Variants in KAZN observed in about 807,000 individuals in gnomAD.
The protein encoded by KAZN is kazrin.
Under a neutral mutation model 87.4 loss-of-function variants are expected in KAZN, and 40 were observed. The observed-to-expected ratio is 0.46, with a 90% CI of 0.36 to 0.60. The LOEUF (loss-of-function observed/expected upper bound fraction) is 0.60, where lower values mean the gene tolerates loss of function less well. Among genes scored for constraint, KAZN ranks in the 20% least tolerant of loss-of-function variants. The pLI, the probability that KAZN is intolerant of heterozygous loss-of-function variation, is 0.00. For synonymous variants in KAZN, 466 were observed against 458.3 expected (o/e 1.02, Z -0.22); for missense variants, 898 against 1,073.9 (o/e 0.84, Z 2.29).
intron 1 of KAZN, among the ~76,000 whole-genome samples, chr1:14,057,148 T>G (rs80290231): frequency 0.053 from 8,041 of 151,928 alleles, 578 homozygotes; most frequent in African/African-American, 0.16. Flanking sequence ...TTGTTTTTTT[T>G]TTTTGAGACG....
At chr1:14,657,561 G>A (rs12092213) in intron 1 of KAZN, among the ~76,000 whole-genome samples, 6,707 of 152,252 alleles carry the variant, frequency 0.044, 223 homozygotes, top group African/African-American at 0.077. Flanking sequence ...GTGAGTTGCC[G>A]CCTTTGCCGC....
chr1:14,481,468 A>T (rs992089273), intron 2 of KAZN, among the ~76,000 whole-genome samples: 2 of 152,172 alleles, frequency 1.3e-5, no homozygotes, highest in Non-Finnish European at 2.9e-5. Flanking sequence ...ATTAAGTAAG[A>T]GAGCAAGTTC....
intron 1 of KAZN, among the ~76,000 whole-genome samples, chr1:14,032,157 G>A (rs1641355795): frequency 6.6e-6 from 1 of 152,098 alleles, no homozygotes. Context: ...CCTCCCTTCT[G>A]ATCTGTTTAA....
intron 2 of KAZN, among the ~76,000 whole-genome samples, chr1:14,290,422 A>C (rs1239462176): frequency 6.6e-6 from 1 of 151,886 alleles, no homozygotes; most frequent in Non-Finnish European, 1.5e-5. Context: ...TTATTTCATT[A>C]ATTTCATCTT....
chr1:14,142,593 A>T (rs1409082276), intron 1 of KAZN, among the ~76,000 whole-genome samples: 1 of 152,210 alleles, frequency 6.6e-6, no homozygotes, highest in Non-Finnish European at 1.5e-5. Context: ...AAGACTCCTG[A>T]GTGAAGGAAG....
chr1:14,629,954 G>A (rs1265121197), intron 1 of KAZN, among the ~76,000 whole-genome samples: 18 of 107,532 alleles, frequency 1.7e-4, no homozygotes, highest in East Asian at 5.5e-4. Context: ...CTGCCACGCC[G>A]CCCCCAAATG....
chr1:14,416,706 C>CAG (rs1371037302), intron 2 of KAZN, among the ~76,000 whole-genome samples: 2 of 151,750 alleles, frequency 1.3e-5, no homozygotes, highest in East Asian at 3.9e-4. Context: ...CACTGCACTC[C>CAG]AGCCTGGGTG....
At chr1:15,026,359 A>C (rs1437195832) in intron 2 of KAZN, among the ~76,000 whole-genome samples, 1 of 152,160 alleles carries the variant, frequency 6.6e-6, no homozygotes, top group East Asian at 1.9e-4. Context: ...GGGGATAGGG[A>C]AGCTCAGAGA....
chr1:14,454,608 G>C (rs1667462853), intron 2 of KAZN, among the ~76,000 whole-genome samples: 1 of 152,152 alleles, frequency 6.6e-6, no homozygotes, highest in South Asian at 2.1e-4. Flanking sequence ...ACCATAGTTA[G>C]TGAGAGGCCA....
At chr1:13,968,831 T>C (rs1642035459) in intron 1 of KAZN, among the ~76,000 whole-genome samples, 1 of 152,140 alleles carries the variant, frequency 6.6e-6, no homozygotes, top group South Asian at 2.1e-4. Context: ...TCTCTCCAGT[T>C]GATCCCATCC....
At chr1:15,062,404 T>C (rs1638869854) in intron 6 of KAZN, 1 of 152,604 alleles carries the variant, frequency 6.6e-6, no homozygotes, top group African/African-American at 2.4e-5. Flanking sequence ...ATTCATTAAT[T>C]CCCTCACTTC....
intron 8 of KAZN, among the ~76,000 whole-genome samples, chr1:15,079,659 T>TC (rs1171510901): frequency 6.6e-6 from 1 of 151,750 alleles, no homozygotes; most frequent in Admixed American, 6.6e-5. Context: ...TGTGTCAAGA[T>TC]CCCCCCCTCA....
chr1:13,923,716 G>A (rs1023956571), intron 1 of KAZN, among the ~76,000 whole-genome samples: 1 of 151,834 alleles, frequency 6.6e-6, no homozygotes, highest in Non-Finnish European at 1.5e-5. Flanking sequence ...CTTAGGGGCG[G>A]CAGAGGCAGA....
chr1:14,022,345 T>A (rs1640865722), intron 1 of KAZN, among the ~76,000 whole-genome samples: 1 of 152,060 alleles, frequency 6.6e-6, no homozygotes. Context: ...GTATAAATGT[T>A]AGCCTGAAGG....
chr1:14,831,893 T>C (rs1416101017), intron 1 of KAZN, among the ~76,000 whole-genome samples: 2 of 152,058 alleles, frequency 1.3e-5, no homozygotes, highest in Non-Finnish European at 2.9e-5. Flanking sequence ...CAAATGAGCA[T>C]GAGCAAAAAC....
In KAZN at chr1:15,111,655, G is replaced by C. The variant is rs903151360; in HGVS notation, c.2049-772G>C. Among the ~76,000 whole-genome samples the C allele has an allele frequency of 2.6e-5, 4 of 152,160 alleles. No homozygotes were observed. In the East Asian group the frequency reaches 7.7e-4, roughly 29 times the overall value. ...AGGCCGGGCCTCTTGCCCCAAATCT[G>C]TTTATCCACAGCATTGATATGCAGA... On this transcript the variant is annotated intron_variant, in intron 13 of 14. Transcript: ENST00000376030.
intron 2 of KAZN, among the ~76,000 whole-genome samples, chr1:14,552,631 C>T (rs1349446810): frequency 6.6e-6 from 1 of 152,134 alleles, no homozygotes; most frequent in Non-Finnish European, 1.5e-5. Context: ...GAGGAGACCC[C>T]CATGAATGCC....
chr1:14,064,417 C>T (rs890181368), intron 1 of KAZN, among the ~76,000 whole-genome samples: 4 of 152,168 alleles, frequency 2.6e-5, no homozygotes, highest in African/African-American at 4.8e-5. Flanking sequence ...CTGACCAGTC[C>T]GACACCAACC....
chr1:14,867,094 C>T (rs936828596), intron 1 of KAZN, among the ~76,000 whole-genome samples: 3 of 83,724 alleles, frequency 3.6e-5, no homozygotes, highest in African/African-American at 6.3e-5. Flanking sequence ...AGTTCGGGCT[C>T]GTTTTTTCCA....
Sources: allele counts gnomAD v4.1 joint callset (sites outside exome capture counted in the v4.1 genomes callset), GRCh38; gene constraint gnomAD v4.1.1; transcripts MANE v1.5; gene names NCBI Gene and HGNC (gene_info 2026-07-23, HGNC 2026-07-21).